MICU2: variants seen among roughly 807,000 people sequenced by gnomAD.
MICU2 encodes the protein calcium uptake protein 2, mitochondrial.
MICU2 carries 64 observed loss-of-function variants against 60.4 expected under a neutral mutation model. The ratio of observed to expected loss-of-function variants is 1.06; its 90% confidence interval spans 0.87 to 1.31. The LOEUF is 1.31. MICU2 is among the 50% of genes most tolerant of loss of function. MICU2 has a pLI of 0.00. For missense variants in MICU2, 569 were observed against 531.0 expected (o/e 1.07, Z -0.70); for synonymous variants, 201 against 175.0 (o/e 1.15, Z -1.17).
chr13:21,541,834 T>C (rs1225336121), intron 2 of MICU2, among the ~76,000 whole-genome samples: 2 of 152,124 alleles, frequency 1.3e-5, no homozygotes, highest in Admixed American at 6.6e-5. Flanking sequence ...TTAATGTAGA[T>C]TACAAGTTCT....
intron 9 of MICU2, among the ~76,000 whole-genome samples, chr13:21,500,071 A>G (rs1020139752): frequency 2.0e-5 from 3 of 152,174 alleles, no homozygotes; most frequent in Non-Finnish European, 4.4e-5. Flanking sequence ...ATTACAAAAC[A>G]TTCAGATCAC....
intron 2 of MICU2, among the ~76,000 whole-genome samples, chr13:21,540,046 T>G (rs1268155729): frequency 1.3e-5 from 2 of 152,206 alleles, no homozygotes; most frequent in African/African-American, 4.8e-5. Flanking sequence ...TCTTTTTACT[T>G]TCATTGATTT....
At chr13:21,563,535 A>G (rs1168381033) in intron 2 of MICU2, among the ~76,000 whole-genome samples, 1 of 151,536 alleles carries the variant, frequency 6.6e-6, no homozygotes, top group Non-Finnish European at 1.5e-5. Flanking sequence ...TGTTTTTGTG[A>G]ACTTCTTGAA....
chr13:21,595,463 C>G (rs1334729881), intron 1 of MICU2, among the ~76,000 whole-genome samples: 1 of 152,258 alleles, frequency 6.6e-6, no homozygotes, highest in Non-Finnish European at 1.5e-5. Flanking sequence ...GCTGCACCTT[C>G]AGGACACACT....
chr13:21,517,723 G>A (rs1443331699), intron 6 of MICU2, among the ~76,000 whole-genome samples: 1 of 151,902 alleles, frequency 6.6e-6, no homozygotes, highest in Non-Finnish European at 1.5e-5. Flanking sequence ...GTTGCAACGA[G>A]CAGAGATTGC....
At chr13:21,581,811 G>A (rs529470950) in intron 1 of MICU2, among the ~76,000 whole-genome samples, 15 of 152,122 alleles carry the variant, frequency 9.9e-5, no homozygotes, top group East Asian at 9.6e-4. Context: ...ATTCCAGGTC[G>A]TCTAAAAATG....
intron 1 of MICU2, among the ~76,000 whole-genome samples, chr13:21,586,990 G>A (rs1177797886): frequency 2.0e-5 from 3 of 152,162 alleles, no homozygotes; most frequent in Admixed American, 6.5e-5. Flanking sequence ...ACATTCCAGA[G>A]AGTATAATCT....
chr13:21,512,846 G>C (rs1886466239), intron 7 of MICU2, among the ~76,000 whole-genome samples: 1 of 152,050 alleles, frequency 6.6e-6, no homozygotes, highest in Non-Finnish European at 1.5e-5. Context: ...TTTCTTCTAA[G>C]AGCTCTATAA....
At chr13:21,556,860 G>T (rs1887720255) in intron 2 of MICU2, among the ~76,000 whole-genome samples, 1 of 152,102 alleles carries the variant, frequency 6.6e-6, no homozygotes, top group Non-Finnish European at 1.5e-5. Flanking sequence ...ATAGGAGAAA[G>T]CTAATTCATG....
Position 21,549,183 on chromosome 13 carries a change from C to G in MICU2, c.359-9495G>C, listed in dbSNP as rs1008261408. Among the ~76,000 whole-genome samples the G allele has an allele frequency of 3.0e-4, 46 of 152,218 alleles. No homozygotes were observed. The Middle Eastern group carries it at 0.014, about 45-fold the overall frequency. On this transcript the variant is annotated intron_variant, in intron 2 of 11. Transcript: ENST00000382374. Reference sequence around the variant, plus strand: ...TGACCTCGTGATCCGCCCGCCTTGGCCTCCCAACGTGCTGGGATTACAGGC... The same window carrying G: ...TGACCTCGTGATCCGCCCGCCTTGGGCTCCCAACGTGCTGGGATTACAGGC...
At chr13:21,567,341 TG>T (rs1025113800) in intron 1 of MICU2, among the ~76,000 whole-genome samples, 3 of 151,912 alleles carry the variant, frequency 2.0e-5, no homozygotes, top group African/African-American at 4.8e-5. Flanking sequence ...GTCCTGGGGT[TG>T]GGGGGTCTCT....
chr13:21,510,596 TAAAATAACA>T (rs1359862518), intron 7 of MICU2, among the ~76,000 whole-genome samples: 1 of 151,738 alleles, frequency 6.6e-6, no homozygotes, highest in Non-Finnish European at 1.5e-5. Context: ...AATTCTTTAA[TAAAATAACA>T]AAAATAACAA....
At chr13:21,542,861 T>C (rs1432642926) in intron 2 of MICU2, among the ~76,000 whole-genome samples, 1 of 152,218 alleles carries the variant, frequency 6.6e-6, no homozygotes, top group Non-Finnish European at 1.5e-5. Flanking sequence ...TAAAGCTGCA[T>C]TGATACACAT....
intron 2 of MICU2, among the ~76,000 whole-genome samples, chr13:21,566,223 T>C (rs1887977862): frequency 6.6e-6 from 1 of 152,156 alleles, no homozygotes; most frequent in Non-Finnish European, 1.5e-5. Context: ...CCAGTACACT[T>C]AGGAAGGCGT....
rs561326817 is a variant in MICU2, at chr13:21,597,551, G to A, written c.210+6388C>T. Reference sequence around the variant, plus strand: ...TTATGATGTGACATTATGTGACTGCGATTATTCTAGGTACTAAGAATACAG... The same window carrying A: ...TTATGATGTGACATTATGTGACTGCAATTATTCTAGGTACTAAGAATACAG... On this transcript the variant is annotated intron_variant, in intron 1 of 11. Transcript: ENST00000382374. Among the ~76,000 whole-genome samples the A allele has an allele frequency of 2.0e-5, 3 of 152,202 alleles. No individual in the cohort carries two copies. The South Asian group carries it at 6.2e-4, about 32-fold the overall frequency.
chr13:21,517,799 A>ACACACACACACACG (rs1244489287), intron 6 of MICU2, among the ~76,000 whole-genome samples: 23 of 136,402 alleles, frequency 1.7e-4, no homozygotes, highest in African/African-American at 6.8e-4. Flanking sequence ...ACACACACAC[A>ACACACACACACACG]CGCGCGCGCG....
intron 1 of MICU2, among the ~76,000 whole-genome samples, chr13:21,595,082 AAAAAG>A (rs1888664693): frequency 6.6e-6 from 1 of 152,236 alleles, no homozygotes; most frequent in South Asian, 2.1e-4. Flanking sequence ...CTTAAAAAGA[AAAAAG>A]AAAAGAAAAT....
intron 2 of MICU2, among the ~76,000 whole-genome samples, chr13:21,553,873 G>T (rs1204615720): frequency 6.6e-6 from 1 of 152,108 alleles, no homozygotes; most frequent in Non-Finnish European, 1.5e-5. Flanking sequence ...AAAGGCAGGG[G>T]TTGCAATCCT....
At chr13:21,584,161 G>A (rs756631727) in intron 1 of MICU2, among the ~76,000 whole-genome samples, 6 of 152,020 alleles carry the variant, frequency 3.9e-5, no homozygotes, top group Non-Finnish European at 5.9e-5. Flanking sequence ...AGGCTGGGGC[G>A]GGTGGATCAT....
Sources: allele counts gnomAD v4.1 joint callset (sites outside exome capture counted in the v4.1 genomes callset), GRCh38; gene constraint gnomAD v4.1.1; transcripts MANE v1.5; gene names NCBI Gene and HGNC (gene_info 2026-07-23, HGNC 2026-07-21).